DHX40: variants seen among roughly 807,000 people sequenced by gnomAD.
The protein encoded by DHX40 is DEAH-box helicase 40.
Under a neutral mutation model 89.6 loss-of-function variants are expected in DHX40, and 28 were observed. The ratio of observed to expected loss-of-function variants is 0.31; its 90% CI spans 0.23 to 0.43. The LOEUF (loss-of-function observed/expected upper bound fraction) is 0.43, where lower values mean the gene tolerates loss of function less well. Among genes scored for constraint, DHX40 ranks in the 20% least tolerant of loss-of-function variants. DHX40 has a pLI of 1.00. For missense variants in DHX40, 457 were observed against 844.0 expected, an observed-to-expected ratio of 0.54 and a Z score of 5.68; for synonymous variants, 226 against 283.6, an observed-to-expected ratio of 0.80 and a Z score of 2.04.
intron 7 of DHX40, among the ~76,000 whole-genome samples, chr17:59,576,777 A>T (rs2048887666): frequency 6.6e-6 from 1 of 151,878 alleles, no homozygotes; most frequent in South Asian, 2.1e-4. Context: ...AAATATGTAC[A>T]TAGACATATA....
rs762657929 is a variant in DHX40, at chr17:59,605,440, G to A, written c.1972-6G>A. 2 of 1,609,544 alleles carry A rather than the reference G, an allele frequency of 1.2e-6. No homozygotes were observed. Among genetic ancestry groups the A allele is most frequent in the South Asian group, 2.2e-5 (2 of 90,896 alleles). ...TTACCATCATTAAAAGAAATGTTTTGTATAGCTTCATGAACAGGAAACCAA... is the reference window on the plus strand; with the variant it reads ...TTACCATCATTAAAAGAAATGTTTTATATAGCTTCATGAACAGGAAACCAA... On this transcript the variant is annotated splice_region_variant and splice_polypyrimidine_tract_variant and intron_variant, in intron 16 of 17. Transcript: ENST00000251241.
At position 59,601,170 on chromosome 17, in the gene DHX40, C is replaced by T. The variant is rs552920552; in HGVS notation, c.1807-1352C>T. Among the ~76,000 whole-genome samples, 8 of 150,064 alleles carry T rather than the reference C, an allele frequency of 5.3e-5. No individual in the cohort carries two copies. The South Asian group carries it at 1.1e-3, about 20-fold the overall frequency. Reference sequence around the variant, plus strand: ...AAAAAAAAAAAAAAAATTAGCCAGGCGTTGTGGCACACACCTGTAGTGTCA... The same window carrying T: ...AAAAAAAAAAAAAAAATTAGCCAGGTGTTGTGGCACACACCTGTAGTGTCA... On this transcript the variant is annotated intron_variant, in intron 14 of 17. Transcript: ENST00000251241.
chr17:59,566,300 T>C (rs2048704059), intron 1 of DHX40, among the ~76,000 whole-genome samples: 1 of 152,240 alleles, frequency 6.6e-6, no homozygotes, highest in Non-Finnish European at 1.5e-5. Flanking sequence ...TGGTCTATTG[T>C]TAAATAAAAT....
chr17:59,602,828 G>T (rs2030616896), intron 15 of DHX40, among the ~76,000 whole-genome samples: 1 of 152,158 alleles, frequency 6.6e-6, no homozygotes, highest in Non-Finnish European at 1.5e-5. Context: ...GGAGGGGTAT[G>T]TTTGTAGGGT....
In DHX40 at chr17:59,573,750, T is replaced by C; in HGVS notation, c.557T>C (p.Phe186Ser). Residue 186 changes from phenylalanine to serine, a missense_variant, in exon 5 of 18, where the codon TTT (phenylalanine) becomes TCT (serine). Phe to Ser is a radical substitution (Grantham distance 155). Around this residue, in one of 9 missense-constraint regions of DHX40, gnomAD observed 116 missense variants for 188.9 expected, o/e 0.61. Coordinates refer to ENST00000251241, the MANE Select transcript of DHX40 (RefSeq NM_024612.5). Reference sequence around the variant, plus strand: ...TTACTTTTCTTTCAGGATATCTTATTTGGTTTATTGAAGAAGCTATTTCAG... The same window carrying C: ...TTACTTTTCTTTCAGGATATCTTATCTGGTTTATTGAAGAAGCTATTTCAG... ...HERTLTTDILFGLLKKLFQEK... is the reference protein window; with the variant it reads ...HERTLTTDILSGLLKKLFQEK... 6.2e-7 allele frequency: 1 copy of C among 1,613,994 alleles called. No homozygotes were observed. Among genetic ancestry groups the C allele is most frequent in the South Asian group, 1.1e-5 (1 of 91,066 alleles).
chr17:59,569,981 T>G (rs572295384), intron 2 of DHX40, among the ~76,000 whole-genome samples: 6 of 143,122 alleles, frequency 4.2e-5, no homozygotes, highest in Non-Finnish European at 6.0e-5. Flanking sequence ...GACGCAGAGG[T>G]TGCGGTGAGC....
At chr17:59,598,236 T>A (rs551264977) in intron 12 of DHX40, among the ~76,000 whole-genome samples, 2 of 152,188 alleles carry the variant, frequency 1.3e-5, no homozygotes, top group African/African-American at 4.8e-5. Flanking sequence ...AATAAACAAA[T>A]TTTCAGATTA....
Position 59,587,078 on chromosome 17 carries a change from C to T in DHX40, c.1425-818C>T, listed in dbSNP as rs546866665. ...TGAGGTGGGAGGATCGTCTGAGCTTCGGAGGTGAGGGGTGCAGTGAGCTGA... is the reference window on the plus strand; with the variant it reads ...TGAGGTGGGAGGATCGTCTGAGCTTTGGAGGTGAGGGGTGCAGTGAGCTGA... On this transcript the variant is annotated intron_variant, in intron 11 of 17. Coordinates refer to ENST00000251241, the MANE Select transcript of DHX40 (RefSeq NM_024612.5). 5.3e-5 allele frequency among the ~76,000 whole-genome samples: 8 copies of T among 150,584 alleles called. 1 individual carries two copies. The East Asian group carries it at 1.2e-3, about 22-fold the overall frequency.
At chr17:59,570,163 ATATGT>A (rs1431169108) in intron 2 of DHX40, among the ~76,000 whole-genome samples, 1 of 126,552 alleles carries the variant, frequency 7.9e-6, no homozygotes, top group African/African-American at 3.1e-5. Context: ...AATACATATA[ATATGT>A]TATATATTAA....
At chr17:59,572,942 A>G (rs1481683919) in intron 3 of DHX40, among the ~76,000 whole-genome samples, 174 bp from the exon 4 acceptor site, 2 of 152,176 alleles carry the variant, frequency 1.3e-5, no homozygotes, top group East Asian at 3.9e-4. Flanking sequence ...CTTTTTCTGT[A>G]TAGACAGCAT....
At chr17:59,589,020 A>G (rs1413662431) in intron 12 of DHX40, among the ~76,000 whole-genome samples, 1 of 152,030 alleles carries the variant, frequency 6.6e-6, no homozygotes, top group African/African-American at 2.4e-5. Flanking sequence ...TGGGCTCTGT[A>G]TCTTGTTCCA....
Position 59,570,543 on chromosome 17 carries a change from T to A in DHX40, c.306T>A (p.Gly102=), listed in dbSNP as rs983514463. Residue 102 remains glycine (G), a synonymous_variant, in exon 3 of 18, where the codon GGT becomes GGA. Coordinates refer to ENST00000251241, the MANE Select transcript of DHX40 (RefSeq NM_024612.5). ...GGTTTTCACAACATGGTATGATTGG[T>A]GTAACTCAACCACGAAAAGTAGCTG... ...EAGFSQHGMI[G]VTQPRKVAAI... 1 of 1,606,720 alleles carries A rather than the reference T, an allele frequency of 6.2e-7. No individual in the cohort carries two copies. Among genetic ancestry groups the A allele is most frequent in the Non-Finnish European group, 8.5e-7 (1 of 1,176,708 alleles).
chr17:59,587,843 C>A lies in DHX40; in HGVS notation c.1425-53C>A, dbSNP rs1555593505. The A allele has an allele frequency of 3.4e-5, 52 of 1,532,032 alleles. No individual in the cohort carries two copies. In the South Asian group the frequency reaches 5.9e-4, roughly 17 times the overall value. 94.9% of individuals were successfully genotyped at this position (1,532,032 alleles called of 1,614,324 possible). On this transcript the variant is annotated intron_variant, in intron 11 of 17. Coordinates refer to ENST00000251241, the MANE Select transcript of DHX40 (RefSeq NM_024612.5). ...GATTTATTCTGAATGATGAATGTTA[C>A]ATTTGTACTCTCCTAGTGTAGAAAG...
At chr17:59,585,996 C>T (rs984053168) in intron 10 of DHX40, among the ~76,000 whole-genome samples, 157 bp from the exon 11 acceptor site, 2 of 150,794 alleles carry the variant, frequency 1.3e-5, no homozygotes, top group African/African-American at 4.9e-5. Context: ...TCCTCTTTTG[C>T]CAAATGCTGA....
chr17:59,601,659 T>G (rs1017160241), intron 14 of DHX40, among the ~76,000 whole-genome samples: 1 of 152,194 alleles, frequency 6.6e-6, no homozygotes, highest in African/African-American at 2.4e-5. Context: ...GATGTCCTCA[T>G]TATGGATTGT....
intron 12 of DHX40, among the ~76,000 whole-genome samples, chr17:59,591,817 A>G (rs1458193637): frequency 6.6e-6 from 1 of 151,836 alleles, no homozygotes; most frequent in African/African-American, 2.4e-5. Context: ...TGTATTAGGC[A>G]AGAACAAGGG....
chr17:59,602,695 C>T, intron 15 of DHX40, 79 bp downstream of exon 15: 1 of 1,185,094 alleles, frequency 8.4e-7, no homozygotes, highest in Non-Finnish European at 1.2e-6. Flanking sequence ...TAATATTAAA[C>T]ATTGAAGATT....
intron 7 of DHX40, 62 bp from the exon 8 acceptor site, chr17:59,577,204 C>G (rs1479379545): frequency 4.2e-6 from 6 of 1,420,016 alleles, no homozygotes; most frequent in Non-Finnish European, 5.9e-6. Flanking sequence ...TTAAGTTCTT[C>G]AAAACTCGAG....
intron 14 of DHX40, among the ~76,000 whole-genome samples, chr17:59,601,478 T>C (rs559653441): frequency 6.6e-6 from 1 of 152,266 alleles, no homozygotes; most frequent in East Asian, 1.9e-4. Flanking sequence ...CCATCTAGTA[T>C]ATTTGTCATC....
Sources: allele counts gnomAD v4.1 joint callset (sites outside exome capture counted in the v4.1 genomes callset), GRCh38; gene constraint gnomAD v4.1.1; regional missense constraint gnomAD v4.1.1; transcripts MANE v1.5; gene names NCBI Gene and HGNC (gene_info 2026-07-23, HGNC 2026-07-21).